The following GMPPB variants were observed in gnomAD, a reference collection of about 807,000 sequenced individuals.
GMPPB encodes the protein GDP-mannose pyrophosphorylase B.
Under a neutral mutation model 40.3 loss-of-function variants are expected in GMPPB, and 38 were observed. The observed-to-expected ratio is 0.94, with a 90% CI of 0.73 to 1.24. GMPPB has a LOEUF of 1.24. Among genes scored for constraint, GMPPB ranks in the 50% most tolerant of loss-of-function variants. GMPPB has a pLI of 0.00. For synonymous variants in GMPPB, 193 were observed against 191.8 expected, an observed-to-expected ratio of 1.01 and a Z score of -0.05; for missense variants, 436 against 487.1, an observed-to-expected ratio of 0.90 and a Z score of 0.99.
chr3:49,721,591 G>C lies in GMPPB; in HGVS notation c.*161C>G. ...GTGGGGTGTGCCCAGCAGGGATCCT[G>C]CCAGATGATGTCCACATGAGAAGGC... On this transcript the variant is annotated 3_prime_UTR_variant, in exon 9 of 9. Coordinates refer to ENST00000308388, the MANE Select transcript of GMPPB (RefSeq NM_021971.4). 2 of 829,610 alleles carry C rather than the reference G, an allele frequency of 2.4e-6. No individual in the cohort carries two copies. The highest frequency in any genetic ancestry group is 4.0e-6 in the Non-Finnish European group (2 of 503,660). The allele number at this position is 829,610 out of a possible 1,614,324, so 51.4% of individuals were successfully genotyped here.
At position 49,723,081 on chromosome 3, in the gene GMPPB, G is replaced by T; in HGVS notation, c.293C>A (p.Ser98Tyr). Residue 98 changes from serine (S) to tyrosine (Y), a missense_variant, in exon 4 of 9, where the codon TCT becomes TAT. Coordinates refer to ENST00000308388, the MANE Select transcript of GMPPB (RefSeq NM_021971.4). ...GPLALARDLL[S>Y]ETADPFFVLN... ...GACGAAGAAAGGGTCTGCAGTCTCA[G>T]AGAGTAGGTCACGGGCCAGCGCCAG... The T allele has an allele frequency of 1.9e-6, 3 of 1,613,954 alleles. No homozygotes were observed. The highest frequency in any genetic ancestry group is 1.7e-6 in the Non-Finnish European group (2 of 1,179,952).
Position 49,720,410 on chromosome 3 carries a change from T to C in GMPPB, c.*1342A>G. ...GGAGACGGAAAGGATGCAGGGGGGG[T>C]GATCATGTACGAGCCATGGCACTCC... On this transcript the variant is annotated 3_prime_UTR_variant, in exon 9 of 9. Transcript: ENST00000308388. The C allele has an allele frequency of 8.5e-7, 1 of 1,174,624 alleles. No homozygotes were observed. Among genetic ancestry groups the C allele is most frequent in the Admixed American group, 3.0e-5 (1 of 33,570 alleles). 72.8% of individuals were successfully genotyped at this position (1,174,624 alleles called of 1,614,324 possible).
Position 49,721,053 on chromosome 3 carries a change from T to C in GMPPB, c.*699A>G, listed in dbSNP as rs1309241498. On this transcript the variant is annotated 3_prime_UTR_variant, in exon 9 of 9. Coordinates refer to ENST00000308388, the MANE Select transcript of GMPPB (RefSeq NM_021971.4). ...TGAGGAGGACCTCTGCCCCATCTGC[T>C]ATGCCCACCCCATCTCTGCTGTGTT... 2.5e-6 allele frequency: 4 copies of C among 1,613,624 alleles called. No homozygotes were observed. The highest frequency in any genetic ancestry group is 3.4e-6 in the Non-Finnish European group (4 of 1,179,808).
Position 49,722,089 on chromosome 3 carries a change from G to C in GMPPB, c.827C>G (p.Pro276Arg), listed in dbSNP as rs766298888. The stretch of plus-strand genomic sequence containing the variant: ...CACACCATCTTCGACCACCACGCCA[G>C]GTCCCAGGCTCACATTGGGGCCAAT... ...CSIGPNVSLG[P>R]GVVVEDGVCI... Residue 276 changes from proline (P) to arginine (R), a missense_variant, in exon 8 of 9, where the codon CCT (proline) becomes CGT (arginine). By Grantham distance (103) the Pro-to-Arg change is moderately radical. Coordinates refer to ENST00000308388, the MANE Select transcript of GMPPB (RefSeq NM_021971.4). 6.2e-7 allele frequency: 1 copy of C among 1,613,614 alleles called. No individual in the cohort carries two copies. The highest frequency in any genetic ancestry group is 8.5e-7 in the Non-Finnish European group (1 of 1,180,024).
Position 49,722,295 on chromosome 3 carries a change from G to T in GMPPB, c.704C>A (p.Ser235Ter). The T allele has an allele frequency of 6.2e-7, 1 of 1,613,904 alleles. No individual in the cohort carries two copies. The highest frequency in any genetic ancestry group is 1.1e-5 in the South Asian group (1 of 91,054). ...CCGCTCAGGCTGCTTCTGCCTCAGT[G>T]ACTGCAGGAAGAGGCACATGCCAGT... The part of the protein sequence containing the change: ...FLTGMCLFLQ[S>*]LRQKQPERLC... The change falls in exon 7 of 9, where the codon TCA becomes TAA. Residue 235 changes from serine (S) to a stop codon, truncating the protein, a stop_gained. Transcript: ENST00000308388. LOFTEE classifies it high-confidence loss of function.
chr3:49,722,859 C>A (rs542083837), intron 4 of GMPPB, 105 bp from the exon 5 acceptor site: 25 of 1,501,528 alleles, frequency 1.7e-5, no homozygotes, highest in South Asian at 2.5e-5. Flanking sequence ...CTTAAAGATA[C>A]ATACTGCACA....
Position 49,723,330 on chromosome 3 carries a change from G to A in GMPPB, c.211-28C>T, listed in dbSNP as rs778007587. ...GGAAGGAAGAGGCCCCCCCAGTCAG[G>A]TTCTACCAGGATGGGAAGTTGGGCG... On this transcript the variant is annotated intron_variant, in intron 2 of 8. Coordinates refer to ENST00000308388, the MANE Select transcript of GMPPB (RefSeq NM_021971.4). 7 of 1,614,090 alleles carry A rather than the reference G, an allele frequency of 4.3e-6. No individual in the cohort carries two copies. The East Asian group carries it at 1.6e-4, about 36-fold the overall frequency.
chr3:49,722,937 GAA>G (rs1491167837), intron 4 of GMPPB, 33 bp downstream of exon 4: 2 of 1,607,750 alleles, frequency 1.2e-6, no homozygotes, highest in South Asian at 2.2e-5. Context: ...CATGGAGGGT[GAA>G]AGTGTCAAGA....
In GMPPB at chr3:49,722,988, T is replaced by A; in HGVS notation, c.386A>T (p.Gln129Leu). Reference sequence around the variant, plus strand: ...GCGCCTTACCAGGATGGAGCCCTCCTGGCCATGGTGCCGGTGGAACTGCAC... The same window carrying A: ...GCGCCTTACCAGGATGGAGCCCTCCAGGCCATGGTGCCGGTGGAACTGCAC... The part of the protein sequence containing the change: ...AMVQFHRHHG[Q>L]EGSILVTKVE... Residue 129 changes from glutamine to leucine, a missense_variant, in exon 4 of 9, where the codon CAG (glutamine) becomes CTG (leucine). Physicochemically the swap from Gln to Leu is moderately radical, Grantham distance 113. Coordinates refer to ENST00000308388, the MANE Select transcript of GMPPB (RefSeq NM_021971.4). 6.2e-7 allele frequency: 1 copy of A among 1,613,734 alleles called. No homozygotes were observed.
At chr3:49,722,885 C>T in intron 4 of GMPPB, 87 bp downstream of exon 4, 4 of 1,525,840 alleles carry the variant, frequency 2.6e-6, no homozygotes, top group Non-Finnish European at 3.6e-6. Context: ...GTATCCATAA[C>T]ATCCGAAGGC....
Position 49,723,315 on chromosome 3 carries a change from G to A in GMPPB, c.211-13C>T. 1.2e-6 allele frequency: 2 copies of A among 1,614,196 alleles called. No individual in the cohort carries two copies. Among genetic ancestry groups the A allele is most frequent in the Non-Finnish European group, 1.7e-6 (2 of 1,180,018 alleles). On this transcript the variant is annotated splice_polypyrimidine_tract_variant and intron_variant, in intron 2 of 8. Coordinates refer to ENST00000308388, the MANE Select transcript of GMPPB (RefSeq NM_021971.4). ...TTCGGATTCCCAGCTGGAAGGAAGAGGCCCCCCCAGTCAGGTTCTACCAGG... is the reference window on the plus strand; with the variant it reads ...TTCGGATTCCCAGCTGGAAGGAAGAAGCCCCCCCAGTCAGGTTCTACCAGG...
At chr3:49,723,200 AC>A in intron 3 of GMPPB, 53 bp downstream of exon 3, 1 of 1,611,614 alleles carries the variant, frequency 6.2e-7, no homozygotes, top group Non-Finnish European at 8.5e-7. Flanking sequence ...GCTGGGTCTT[AC>A]CCTTTTCCTG....
intron 7 of GMPPB, 25 bp from the exon 8 acceptor site, chr3:49,722,172 G>A: frequency 6.2e-7 from 1 of 1,607,050 alleles, no homozygotes; most frequent in Non-Finnish European, 8.5e-7. Flanking sequence ...AAAAATACAA[G>A]TGGGCCACTT....
rs1246610213 is a variant in GMPPB, at chr3:49,723,825, G to A, written c.-99C>T. ...CACTCCCAACGCCGTGCCCGGCCCC[G>A]CGCCCTTCACCAACCCGCCTGACAG... is the stretch of plus-strand genomic sequence containing the variant. On this transcript the variant is annotated 5_prime_UTR_variant, in exon 1 of 9. Coordinates refer to ENST00000308388, the MANE Select transcript of GMPPB (RefSeq NM_021971.4). 2.9e-6 allele frequency: 4 copies of A among 1,383,750 alleles called. No individual in the cohort carries two copies. The highest frequency in any genetic ancestry group is 2.6e-4 in the Middle Eastern group (1 of 3,860). The allele number at this position is 1,383,750 out of a possible 1,614,324, so 85.7% of individuals were successfully genotyped here.
At position 49,723,784 on chromosome 3, in the gene GMPPB, G is replaced by A. The variant is rs2080462520; in HGVS notation, c.-58C>T. ...CTCTGAGGTGCCTGCAGCCCGCCTGGCCGGTCCCTGCCGCGCACTCCCAAC... is the reference window on the plus strand; with the variant it reads ...CTCTGAGGTGCCTGCAGCCCGCCTGACCGGTCCCTGCCGCGCACTCCCAAC... On this transcript the variant is annotated 5_prime_UTR_variant, in exon 1 of 9. Coordinates refer to ENST00000308388, the MANE Select transcript of GMPPB (RefSeq NM_021971.4). 2 of 1,495,960 alleles carry A rather than the reference G, an allele frequency of 1.3e-6. No homozygotes were observed. Among genetic ancestry groups the A allele is most frequent in the African/African-American group, 1.4e-5 (1 of 71,100 alleles). The allele number at this position is 1,495,960 out of a possible 1,614,324, so 92.7% of individuals were successfully genotyped here.
rs1472999197 is a variant in GMPPB at position 49,722,413 on chromosome 3, T to C, written c.640+19A>G. The C allele has an allele frequency of 2.5e-6, 4 of 1,613,866 alleles. No individual in the cohort carries two copies. The African/African-American group carries it at 5.3e-5, about 22-fold the overall frequency. On this transcript the variant is annotated intron_variant, in intron 6 of 8. Transcript: ENST00000308388. ...GCCCAGCCACAGACCACCCCCACCC[T>C]GTGGCCTCCCTGCCTCACCCTGTAA...
intron 8 of GMPPB, 41 bp from the exon 9 acceptor site, chr3:49,721,924 T>TCCCC: frequency 6.2e-7 from 1 of 1,613,060 alleles, no homozygotes; most frequent in South Asian, 1.1e-5. Flanking sequence ...GCAGGCACAC[T>TCCCC]CCCCGCCCCT....
Position 49,721,175 on chromosome 3 carries a change from CCT to C in GMPPB, c.*575_*576del, listed in dbSNP as rs1491497655. Reference sequence around the variant, plus strand: ...ATGCAGGGCAGTCCTCATCCCCTCCCCTGTTGTAGAGCCTGTATCAACCAGCA... The same window carrying C: ...ATGCAGGGCAGTCCTCATCCCCTCCCGTTGTAGAGCCTGTATCAACCAGCA... On this transcript the variant is annotated 3_prime_UTR_variant, in exon 9 of 9. Transcript: ENST00000308388. The C allele has an allele frequency of 3.4e-5, 55 of 1,614,070 alleles. No individual in the cohort carries two copies. The highest frequency in any genetic ancestry group is 4.0e-5 in the Non-Finnish European group (47 of 1,180,020).
In GMPPB at chr3:49,723,086, T is replaced by C. The variant is rs1218073840; in HGVS notation, c.288A>G (p.Leu96=). Residue 96 remains leucine (L), a synonymous_variant, in exon 4 of 9, where the codon CTA becomes CTG. Transcript: ENST00000308388. ...TAGPLALARD[L]LSETADPFFV... The stretch of plus-strand genomic sequence containing the variant: ...AGAAAGGGTCTGCAGTCTCAGAGAG[T>C]AGGTCACGGGCCAGCGCCAGGGGCC... 4 of 1,613,060 alleles carry C rather than the reference T, an allele frequency of 2.5e-6. No individual in the cohort carries two copies. The highest frequency in any genetic ancestry group is 1.3e-5 in the African/African-American group (1 of 74,620).
Sources: gnomAD v4.1 joint callset for allele counts on GRCh38, gnomAD v4.1.1 for gene constraint, MANE v1.5 for transcripts, NCBI Gene and HGNC (gene_info 2026-07-23, HGNC 2026-07-21) for gene names.